Variants in RABGAP1L observed in about 807,000 individuals in gnomAD.
RABGAP1L encodes RAB GTPase activating protein 1 like, also known as rab GTPase-activating protein 1-like.
Under a neutral mutation model 137.7 loss-of-function variants are expected in RABGAP1L, and 63 were observed. The ratio of observed to expected loss-of-function variants is 0.46; its 90% confidence interval spans 0.37 to 0.56. RABGAP1L has a LOEUF of 0.56. Ranked by LOEUF, RABGAP1L falls within the 20% of genes least tolerant of loss-of-function variation. The probability of loss-of-function intolerance (pLI) is 0.00; values close to 1 mark genes in which losing one functional copy is unlikely to be tolerated. For synonymous variants in RABGAP1L, 431 were observed against 433.7 expected, an observed-to-expected ratio of 0.99 and a Z score of 0.08; for missense variants, 1,095 against 1,244.0, an observed-to-expected ratio of 0.88 and a Z score of 1.80.
chr1:174,202,113 G>A (rs1181241633), intron 1 of RABGAP1L, among the ~76,000 whole-genome samples: 16 of 151,770 alleles, frequency 1.1e-4, no homozygotes, highest in Non-Finnish European at 1.9e-4. Context: ...ATAAACATAC[G>A]TGTGCATGTG....
chr1:174,426,568 A>G (rs1047657281), intron 13 of RABGAP1L, among the ~76,000 whole-genome samples: 1 of 152,066 alleles, frequency 6.6e-6, no homozygotes, highest in South Asian at 2.1e-4. Context: ...GAAATACTTT[A>G]TATATAATGA....
At position 174,305,012 on chromosome 1, in the gene RABGAP1L, T is replaced by G; in HGVS notation, c.1350T>G (p.Ala450=). 6.4e-7 allele frequency: 1 copy of G among 1,559,172 alleles called. No individual in the cohort carries two copies. Residue 450 remains alanine, a synonymous_variant, in exon 11 of 26, where the codon GCT becomes GCG. Transcript: ENST00000681986. ...KQSEGKGHTN[A]GDAIYEVVSL... Reference sequence around the variant, plus strand: ...CTGAGGGAAAAGGCCATACCAATGCTGGAGATGCAATATATGAGGTGGTGA... The same window carrying G: ...CTGAGGGAAAAGGCCATACCAATGCGGGAGATGCAATATATGAGGTGGTGA...
intron 19 of RABGAP1L, among the ~76,000 whole-genome samples, chr1:174,940,407 T>A (rs1665671313): frequency 6.6e-6 from 1 of 151,994 alleles, no homozygotes; most frequent in African/African-American, 2.4e-5. Context: ...TAGCTGGGAC[T>A]ACAGGCACAT....
At chr1:174,577,141 C>G (rs1458798619) in intron 13 of RABGAP1L, among the ~76,000 whole-genome samples, 1 of 151,114 alleles carries the variant, frequency 6.6e-6, no homozygotes, top group African/African-American at 2.4e-5. Context: ...GCTATGATAG[C>G]TCCATGATAG....
rs763907969 is a variant in RABGAP1L, at chr1:174,516,120, T to TATACACAC, written c.1711-121254_1711-121253insTACACACA. On this transcript the variant is annotated intron_variant, in intron 13 of 25. Transcript: ENST00000681986. ...AGTCAAGGGATGAAAACTGAAGCTC[T>TATACACAC]ACACACACACACACACACACACACA... Among the ~76,000 whole-genome samples, 690 of 133,298 alleles carry TATACACAC rather than the reference T, an allele frequency of 5.2e-3. 2 individuals carry two copies. The highest frequency in any genetic ancestry group is 0.02 in the African/African-American group (663 of 33,902). 87.4% of individuals were successfully genotyped at this position (133,298 alleles called of 152,430 possible).
intron 15 of RABGAP1L, among the ~76,000 whole-genome samples, chr1:174,694,263 T>C (rs1679085547): frequency 6.6e-6 from 1 of 151,992 alleles, no homozygotes; most frequent in African/African-American, 2.4e-5. Context: ...GTTAGTTACA[T>C]ATGTATACAT....
At chr1:174,620,297 G>A (rs982334627) in intron 13 of RABGAP1L, among the ~76,000 whole-genome samples, 2 of 152,294 alleles carry the variant, frequency 1.3e-5, no homozygotes, top group East Asian at 3.9e-4. Context: ...ACAGCCATCT[G>A]CAGAACTCTT....
intron 11 of RABGAP1L, among the ~76,000 whole-genome samples, chr1:174,343,355 T>C (rs1399176404): frequency 6.6e-6 from 1 of 152,224 alleles, no homozygotes; most frequent in Admixed American, 6.5e-5. Flanking sequence ...GTATAGGTAG[T>C]ACCAAATTTC....
chr1:174,949,198 C>T (rs1667356167), intron 19 of RABGAP1L, among the ~76,000 whole-genome samples: 2 of 152,140 alleles, frequency 1.3e-5, no homozygotes, highest in African/African-American at 4.8e-5. Context: ...ATTTCTCTAT[C>T]CTAAGTGCAA....
chr1:174,713,217 C>T (rs1680723173), intron 17 of RABGAP1L, among the ~76,000 whole-genome samples: 2 of 152,224 alleles, frequency 1.3e-5, no homozygotes, highest in Admixed American at 1.3e-4. Flanking sequence ...ACTACATCTT[C>T]TTTGGTCTTC....
intron 13 of RABGAP1L, among the ~76,000 whole-genome samples, chr1:174,580,612 A>C (rs968982614): frequency 6.6e-6 from 1 of 151,870 alleles, no homozygotes; most frequent in African/African-American, 2.4e-5. Context: ...GGGGAACATC[A>C]CACACCGGGG....
intron 13 of RABGAP1L, among the ~76,000 whole-genome samples, chr1:174,480,704 A>T (rs556879703): frequency 1.3e-5 from 2 of 152,348 alleles, no homozygotes; most frequent in African/African-American, 4.8e-5. Context: ...TGTGAGAAGG[A>T]TATCTATCAC....
intron 13 of RABGAP1L, among the ~76,000 whole-genome samples, chr1:174,419,418 A>G (rs552794428): frequency 2.0e-5 from 3 of 152,266 alleles, no homozygotes; most frequent in African/African-American, 7.2e-5. Context: ...TATTTTTTGG[A>G]TTATTATTAG....
At chr1:174,923,974 C>T (rs1455594903) in intron 19 of RABGAP1L, among the ~76,000 whole-genome samples, 2 of 151,584 alleles carry the variant, frequency 1.3e-5, no homozygotes, top group South Asian at 2.1e-4. Flanking sequence ...TTAGTCAAAA[C>T]TTACACTGCT....
At chr1:174,873,361 G>A (rs1296904371) in intron 19 of RABGAP1L, among the ~76,000 whole-genome samples, 2 of 151,950 alleles carry the variant, frequency 1.3e-5, no homozygotes, top group Non-Finnish European at 2.9e-5. Flanking sequence ...GAGCCACCGT[G>A]CCTGGCCTAA....
intron 17 of RABGAP1L, among the ~76,000 whole-genome samples, chr1:174,718,101 T>A (rs996827756): frequency 1.3e-5 from 2 of 152,172 alleles, no homozygotes; most frequent in Non-Finnish European, 2.9e-5. Context: ...CCTTACTTAT[T>A]CCTCCAGACT....
At chr1:174,182,280 T>C (rs529241834) in intron 1 of RABGAP1L, among the ~76,000 whole-genome samples, 1 of 152,340 alleles carries the variant, frequency 6.6e-6, no homozygotes, top group Non-Finnish European at 1.5e-5. Context: ...GCATAGGCTT[T>C]CTAAGCTAAT....
chr1:174,624,761 C>G (rs888462253), intron 13 of RABGAP1L, among the ~76,000 whole-genome samples: 1 of 152,016 alleles, frequency 6.6e-6, no homozygotes, highest in Non-Finnish European at 1.5e-5. Context: ...ATTGCTTTCC[C>G]CTCTGACTGT....
intron 7 of RABGAP1L, among the ~76,000 whole-genome samples, chr1:174,256,911 ATT>A (rs951250105): frequency 2.0e-5 from 3 of 152,310 alleles, no homozygotes; most frequent in African/African-American, 7.2e-5. Context: ...TTGCAAAATG[ATT>A]AATTTCTCAA....
Sources: gnomAD v4.1 joint callset for allele counts (sites outside exome capture counted in the v4.1 genomes callset) on GRCh38, gnomAD v4.1.1 for gene constraint, MANE v1.5 for transcripts, NCBI Gene and HGNC (gene_info 2026-07-23, HGNC 2026-07-21) for gene names.